The following MRO variants were observed in gnomAD, a reference collection of about 807,000 sequenced individuals.
MRO encodes maestro.
A neutral mutation model predicts 31.0 loss-of-function variants in MRO; 28 were observed. That is an observed-to-expected ratio of 0.90 (90% CI 0.67 to 1.24). The LOEUF is 1.24. Ranked by LOEUF, MRO falls within the 50% of genes most tolerant of loss-of-function variation. MRO has a pLI of 0.00. For synonymous variants in MRO, 108 were observed against 108.4 expected, an observed-to-expected ratio of 1.00 and a Z score of 0.02; for missense variants, 332 against 289.2, an observed-to-expected ratio of 1.15 and a Z score of -1.07.
At chr18:50,807,451 C>T (rs544602918) in intron 3 of MRO, among the ~76,000 whole-genome samples, 1 of 152,294 alleles carries the variant, frequency 6.6e-6, no homozygotes, top group South Asian at 2.1e-4. Flanking sequence ...TAGCACTTGA[C>T]ACAATTAGCA....
chr18:50,810,686 T>C (rs773560753), intron 2 of MRO, among the ~76,000 whole-genome samples: 16 of 152,184 alleles, frequency 1.1e-4, no homozygotes, highest in Admixed American at 9.2e-4. Context: ...TGGGTCCAAC[T>C]AGTACAAACC....
intron 2 of MRO, among the ~76,000 whole-genome samples, chr18:50,811,275 T>C (rs2144641115): frequency 6.6e-6 from 1 of 152,316 alleles, no homozygotes; most frequent in East Asian, 1.9e-4. Context: ...ATTCAAACAA[T>C]GTTCTGCAAC....
upstream of MRO, among the ~76,000 whole-genome samples, chr18:50,822,125 A>T (rs1279606374): frequency 6.6e-6 from 1 of 152,228 alleles, no homozygotes; most frequent in Admixed American, 6.5e-5. Context: ...TAATGTAAGG[A>T]TTTAATGACT....
chr18:50,820,190 T>C (rs2144683616), upstream of MRO: 1 of 581,540 alleles, frequency 1.7e-6, no homozygotes. Context: ...AATCTAAGGA[T>C]GGGACACTGT....
intron 6 of MRO, 92 bp downstream of exon 6, chr18:50,801,257 C>T (rs542146374): frequency 1.7e-6 from 2 of 1,171,654 alleles, no homozygotes; most frequent in African/African-American, 1.5e-5. Flanking sequence ...GCAGTGCTGG[C>T]AGGAACCCTA....
chr18:50,798,550 A>C lies in MRO; in HGVS notation c.*787T>G, dbSNP rs1257061643. The C allele has an allele frequency of 6.6e-6, 1 of 152,204 alleles. No individual in the cohort carries two copies. The highest frequency in any genetic ancestry group is 1.5e-5 in the Non-Finnish European group (1 of 68,040). 9.4% of individuals were successfully genotyped at this position (152,204 alleles called of 1,614,324 possible). ...AAGTTACCTAATTTCCCTATGTGTT[A>C]GCTTTCTCATCTATAAAATGAGAAC... On this transcript the variant is annotated 3_prime_UTR_variant, in exon 8 of 8. Coordinates refer to ENST00000398439, the MANE Select transcript of MRO (RefSeq NM_031939.6).
chr18:50,820,676 G>A (rs1408046496), upstream of MRO, among the ~76,000 whole-genome samples: 1 of 152,152 alleles, frequency 6.6e-6, no homozygotes, highest in South Asian at 2.1e-4. Flanking sequence ...TCCTACTATA[G>A]TCTCCATTTT....
intron 2 of MRO, among the ~76,000 whole-genome samples, chr18:50,816,397 C>T (rs12959374): frequency 0.023 from 3,529 of 152,116 alleles, 57 homozygotes; most frequent in Non-Finnish European, 0.035. Flanking sequence ...GGTAGTGGTT[C>T]CAAGAATAAA....
rs1912689917 is a variant in MRO at position 50,795,157 on chromosome 18, T to G, written c.*4180A>C. ...CAATCATAAGTCATTTTATTTGTTA[T>G]CAAGTTATATTATCAACAGGTTATT... On this transcript the variant is annotated 3_prime_UTR_variant, in exon 8 of 8. Coordinates refer to ENST00000398439, the MANE Select transcript of MRO (RefSeq NM_031939.6). 6.6e-6 allele frequency: 1 copy of G among 152,210 alleles called. No homozygotes were observed. The highest frequency in any genetic ancestry group is 1.5e-5 in the Non-Finnish European group (1 of 68,032). 9.4% of individuals were successfully genotyped at this position (152,210 alleles called of 1,614,324 possible).
At chr18:50,817,215 A>T (rs996566687) in intron 2 of MRO, among the ~76,000 whole-genome samples, 1 of 152,082 alleles carries the variant, frequency 6.6e-6, no homozygotes, top group Non-Finnish European at 1.5e-5. Flanking sequence ...CAAGAGAAAA[A>T]CTGTGATGTG....
chr18:50,816,440 T>C (rs1202248614), intron 2 of MRO, among the ~76,000 whole-genome samples: 1 of 152,270 alleles, frequency 6.6e-6, no homozygotes, highest in African/African-American at 2.4e-5. Flanking sequence ...TCAATATTTA[T>C]ATAGTTCAGT....
At chr18:50,801,572 C>T (rs1599007669) in intron 5 of MRO, 68 bp from the exon 6 acceptor site, 1 of 1,422,390 alleles carries the variant, frequency 7.0e-7, no homozygotes, top group East Asian at 2.3e-5. Flanking sequence ...CATCTGAACA[C>T]ATCACAGCCA....
chr18:50,809,159 A>C (rs971434374), intron 3 of MRO, 143 bp downstream of exon 3: 22 of 400,764 alleles, frequency 5.5e-5, no homozygotes, highest in African/African-American at 4.4e-4. Flanking sequence ...AAAAAAAAAA[A>C]AAAAAAAAAA....
intron 5 of MRO, among the ~76,000 whole-genome samples, chr18:50,804,668 T>C (rs1297937569): frequency 1.3e-5 from 2 of 152,128 alleles, no homozygotes; most frequent in African/African-American, 4.8e-5. Flanking sequence ...TAAAATTCTA[T>C]ACATCTTTAC....
upstream of MRO, among the ~76,000 whole-genome samples, chr18:50,820,282 A>G (rs1181782319): frequency 6.6e-6 from 1 of 152,212 alleles, no homozygotes; most frequent in Non-Finnish European, 1.5e-5. Context: ...TTCCTGCTCA[A>G]GAAACACCGT....
Position 50,801,488 on chromosome 18 carries a change from C to A in MRO, c.446G>T (p.Arg149Ile). 1 of 1,598,986 alleles carries A rather than the reference C, an allele frequency of 6.3e-7. No individual in the cohort carries two copies. The highest frequency in any genetic ancestry group is 8.5e-7 in the Non-Finnish European group (1 of 1,174,008). Residue 149 changes from arginine to isoleucine, a missense_variant, in exon 6 of 8, where the codon AGA becomes ATA. Physicochemically the swap from Arg to Ile is moderately conservative, Grantham distance 97 (BLOSUM62 -3). Transcript: ENST00000398439. The part of the protein sequence containing the change: ...TLLDDENDSL[R>I]YSAFVLFGQL... ...CCCAAACAAAACAAAGGCCGAGTAT[C>A]TCAGACTGTCGTTCTCCTGCGGTCC...
At chr18:50,823,277 T>A (rs1397914506), upstream of MRO, among the ~76,000 whole-genome samples, 1 of 152,156 alleles carries the variant, frequency 6.6e-6, no homozygotes, top group African/African-American at 2.4e-5. Flanking sequence ...TGTGTTTTAA[T>A]CTAAAAACAA....
chr18:50,808,558 A>G (rs60289214), intron 3 of MRO, among the ~76,000 whole-genome samples: 7 of 151,276 alleles, frequency 4.6e-5, no homozygotes, highest in Non-Finnish European at 8.8e-5. Context: ...TCCTGGGCTC[A>G]AGCGATCCTC....
chr18:50,817,738 G>A (rs944703193), intron 2 of MRO, among the ~76,000 whole-genome samples: 5 of 152,158 alleles, frequency 3.3e-5, no homozygotes, highest in African/African-American at 1.2e-4. Flanking sequence ...GGATGAGAAA[G>A]AGAAAGAGGT....
Sources: allele counts gnomAD v4.1 joint callset (sites outside exome capture counted in the v4.1 genomes callset), GRCh38; gene constraint gnomAD v4.1.1; transcripts MANE v1.5; gene names NCBI Gene and HGNC (gene_info 2026-07-23, HGNC 2026-07-21).